The following PARD3B variants were observed in gnomAD, a reference collection of about 807,000 sequenced individuals.
The protein encoded by PARD3B is partitioning defective 3 homolog B.
Under a neutral mutation model 130.2 loss-of-function variants are expected in PARD3B, and 103 were observed. The ratio of observed to expected loss-of-function variants is 0.79; its 90% CI spans 0.67 to 0.93. PARD3B has a LOEUF of 0.93. Among genes scored for constraint, PARD3B ranks in the 40% least tolerant of loss-of-function variants. The pLI is 0.00. For synonymous variants in PARD3B, 583 were observed against 553.2 expected (o/e 1.05, Z -0.76); for missense variants, 1,609 against 1,499.2 (o/e 1.07, Z -1.21).
intron 3 of PARD3B, among the ~76,000 whole-genome samples, chr2:205,036,653 C>T (rs919682480): frequency 7.1e-6 from 1 of 140,878 alleles, no homozygotes; most frequent in East Asian, 2.1e-4. Flanking sequence ...AGTATATATA[C>T]ACAGCGGACT....
chr2:205,057,938 A>G (rs759876285), intron 4 of PARD3B, among the ~76,000 whole-genome samples: 1 of 151,564 alleles, frequency 6.6e-6, no homozygotes, highest in Non-Finnish European at 1.5e-5. Flanking sequence ...TTACTGTCTT[A>G]ACAATTTTAA....
intron 2 of PARD3B, among the ~76,000 whole-genome samples, chr2:204,788,254 C>T (rs1365633280): frequency 6.6e-6 from 1 of 152,182 alleles, no homozygotes; most frequent in East Asian, 1.9e-4. Flanking sequence ...AAGAAGATAG[C>T]CACTGCCTTC....
At chr2:205,088,401 G>A (rs565658034) in intron 4 of PARD3B, among the ~76,000 whole-genome samples, 168 of 152,244 alleles carry the variant, frequency 1.1e-3, no homozygotes, top group Non-Finnish European at 2.0e-3. Context: ...TAAATAGATT[G>A]TTATATTTCT....
At chr2:204,808,792 C>T (rs1488141147) in intron 2 of PARD3B, among the ~76,000 whole-genome samples, 1 of 152,108 alleles carries the variant, frequency 6.6e-6, no homozygotes, top group African/African-American at 2.4e-5. Flanking sequence ...GCAAAGAACA[C>T]ATACATGAAT....
At chr2:204,714,576 A>G (rs1311940660) in intron 2 of PARD3B, among the ~76,000 whole-genome samples, 1 of 152,230 alleles carries the variant, frequency 6.6e-6, no homozygotes, top group Non-Finnish European at 1.5e-5. Flanking sequence ...CTTTCCACAA[A>G]GAAAGAAGGA....
intron 16 of PARD3B, among the ~76,000 whole-genome samples, chr2:205,286,934 T>C (rs1428117067): frequency 1.3e-5 from 2 of 152,358 alleles, no homozygotes; most frequent in African/African-American, 2.4e-5. Context: ...TTTCTACTTA[T>C]TACTAATGAT....
chr2:204,783,166 A>AGTTT (rs1352142414), intron 2 of PARD3B, among the ~76,000 whole-genome samples: 2 of 152,172 alleles, frequency 1.3e-5, no homozygotes, highest in East Asian at 3.8e-4. Context: ...CTCTTCATGC[A>AGTTT]ATGGAGACAA....
intron 20 of PARD3B, among the ~76,000 whole-genome samples, chr2:205,462,343 C>A (rs1183071461): frequency 6.6e-6 from 1 of 152,198 alleles, no homozygotes; most frequent in East Asian, 1.9e-4. Context: ...AAATTTCTTT[C>A]ATCAATCAGT....
intron 18 of PARD3B, among the ~76,000 whole-genome samples, chr2:205,326,987 G>A (rs1251758093): frequency 1.3e-5 from 2 of 152,142 alleles, no homozygotes; most frequent in Non-Finnish European, 1.5e-5. Flanking sequence ...TGCTACTTCT[G>A]ACACCAAATA....
chr2:204,745,159 T>A (rs1287774034), intron 2 of PARD3B, among the ~76,000 whole-genome samples: 1 of 152,096 alleles, frequency 6.6e-6, no homozygotes, highest in Non-Finnish European at 1.5e-5. Flanking sequence ...GAATCGATGA[T>A]GTTGGAGGAA....
intron 3 of PARD3B, among the ~76,000 whole-genome samples, chr2:205,027,953 T>G (rs2125352294): frequency 6.6e-6 from 1 of 152,284 alleles, no homozygotes; most frequent in African/African-American, 2.4e-5. Context: ...TACCATACTG[T>G]TTTATTACTG....
Position 204,605,631 on chromosome 2 carries a change from G to C in PARD3B, c.120+59512G>C, listed in dbSNP as rs990216841. Among the ~76,000 whole-genome samples, 11 of 152,102 alleles carry C rather than the reference G, an allele frequency of 7.2e-5. No homozygotes were observed. The East Asian group carries it at 2.1e-3, about 29-fold the overall frequency. On this transcript the variant is annotated intron_variant, in intron 1 of 22. Transcript: ENST00000406610. ...GTAGAGGTTAATATCATGAACTCTAGAGTGAGACTCTCTGGGTTCGTGTCT... is the reference window on the plus strand; with the variant it reads ...GTAGAGGTTAATATCATGAACTCTACAGTGAGACTCTCTGGGTTCGTGTCT...
chr2:204,977,963 A>G (rs1378731949), intron 3 of PARD3B, among the ~76,000 whole-genome samples: 1 of 152,194 alleles, frequency 6.6e-6, no homozygotes, highest in African/African-American at 2.4e-5. Context: ...ATGGATGGCA[A>G]GTGCAGCCAC....
chr2:204,856,034 C>G (rs2044922155), intron 2 of PARD3B, among the ~76,000 whole-genome samples: 1 of 152,116 alleles, frequency 6.6e-6, no homozygotes, highest in African/African-American at 2.4e-5. Context: ...ATCTCTTTGA[C>G]ATGTTGATTT....
chr2:205,445,152 G>T (rs1244032099), intron 20 of PARD3B, among the ~76,000 whole-genome samples: 1 of 151,996 alleles, frequency 6.6e-6, no homozygotes, highest in Admixed American at 6.5e-5. Context: ...CAGAAACTGG[G>T]GCCCAGAGAA....
chr2:205,003,392 C>T (rs773168361), intron 3 of PARD3B, among the ~76,000 whole-genome samples: 35 of 152,144 alleles, frequency 2.3e-4, no homozygotes, highest in Non-Finnish European at 4.3e-4. Flanking sequence ...GTTATTCTGC[C>T]TAGCAGGGTA....
intron 1 of PARD3B, among the ~76,000 whole-genome samples, chr2:204,657,229 A>G (rs1039190730): frequency 6.6e-6 from 1 of 152,190 alleles, no homozygotes; most frequent in Non-Finnish European, 1.5e-5. Context: ...TTAACCATAC[A>G]TTAAGAATTG....
At chr2:204,601,499 G>A (rs528899530) in intron 1 of PARD3B, among the ~76,000 whole-genome samples, 2 of 151,998 alleles carry the variant, frequency 1.3e-5, no homozygotes, top group South Asian at 4.1e-4. Flanking sequence ...AATGATTATG[G>A]TATGTGATAT....
rs528590664 is a variant in PARD3B, at chr2:205,563,937, AG to A, written c.3260+10538del. 1.4e-4 allele frequency among the ~76,000 whole-genome samples: 22 copies of A among 152,356 alleles called. No individual in the cohort carries two copies. The highest frequency in any genetic ancestry group is 9.1e-4 in the Admixed American group (14 of 15,304). On this transcript the variant is annotated intron_variant, in intron 22 of 22. Transcript: ENST00000406610. The surrounding 1 kb of genome is among the most constrained non-coding windows in gnomAD (Gnocchi z 4.2). ...TCCACAGAACACTCAGAACAAGGCA[AG>A]GGGAAGGAGTTAACATTTGTTGAGC...
Sources: allele counts gnomAD v4.1 joint callset (sites outside exome capture counted in the v4.1 genomes callset), GRCh38; gene constraint gnomAD v4.1.1; non-coding constraint Gnocchi (gnomAD v3.1); transcripts MANE v1.5; gene names NCBI Gene and HGNC (gene_info 2026-07-23, HGNC 2026-07-21).